CSMD1: variants seen among roughly 807,000 people sequenced by gnomAD.
CSMD1 encodes CUB and Sushi multiple domains 1, also known as CUB and sushi domain-containing protein 1.
In CSMD1, 213 loss-of-function variants were observed where a neutral mutation model predicts 417.5. That is an observed-to-expected ratio of 0.51 (90% confidence interval 0.46 to 0.57). The LOEUF is 0.57. CSMD1 is among the 20% of genes least tolerant of loss of function. The pLI is 0.00. For missense variants in CSMD1, 6,923 were observed against 4,529.7 expected, an observed-to-expected ratio of 1.53 and a Z score of -15.17; for synonymous variants, 2,862 against 1,736.8, an observed-to-expected ratio of 1.65 and a Z score of -16.11.
At chr8:3,844,219 C>G (rs1190420122) in intron 5 of CSMD1, among the ~76,000 whole-genome samples, 1 of 152,116 alleles carries the variant, frequency 6.6e-6, no homozygotes, top group Non-Finnish European at 1.5e-5. Flanking sequence ...AAGAATGAGT[C>G]TGGCTTGTGG....
intron 1 of CSMD1, among the ~76,000 whole-genome samples, chr8:4,975,546 C>T (rs1810501786): frequency 6.6e-6 from 1 of 152,092 alleles, no homozygotes; most frequent in East Asian, 1.9e-4. Flanking sequence ...GGAAGTGAAG[C>T]CCAGGAAGGT....
chr8:4,684,125 A>C (rs1261222207), intron 1 of CSMD1, among the ~76,000 whole-genome samples: 1 of 152,252 alleles, frequency 6.6e-6, no homozygotes, highest in East Asian at 1.9e-4. Flanking sequence ...ATAAAATGAT[A>C]ATGATTTCAT....
Position 4,946,075 on chromosome 8 carries a change from GA to G in CSMD1, c.85+48256del, listed in dbSNP as rs142823671. On this transcript the variant is annotated intron_variant, in intron 1 of 69. Transcript: ENST00000635120. The stretch of plus-strand genomic sequence containing the variant: ...GTCCTTCAGCATTGCCGCTGGCAAC[GA>G]AAGTCCACTTGCACACCCAGCTGTC... Among the ~76,000 whole-genome samples the G allele has an allele frequency of 2.4e-3, 362 of 152,222 alleles. 4 individuals carry two copies. The highest frequency in any genetic ancestry group is 8.4e-3 in the African/African-American group (347 of 41,548).
At chr8:3,822,845 G>C (rs1376718624) in intron 5 of CSMD1, among the ~76,000 whole-genome samples, 1 of 152,108 alleles carries the variant, frequency 6.6e-6, no homozygotes, top group African/African-American at 2.4e-5. Context: ...CATAAAATGA[G>C]CTATGCATGT....
At chr8:4,038,406 A>G (rs1010930548) in intron 3 of CSMD1, among the ~76,000 whole-genome samples, 11 of 152,232 alleles carry the variant, frequency 7.2e-5, no homozygotes, top group African/African-American at 2.7e-4. Flanking sequence ...TGCTAGGTCT[A>G]TGCAAAGATT....
At position 4,283,591 on chromosome 8, in the gene CSMD1, A is replaced by C. The variant is rs185914089; in HGVS notation, c.415+136362T>G. On this transcript the variant is annotated intron_variant, in intron 3 of 69. Transcript: ENST00000635120. Reference sequence around the variant, plus strand: ...AAAAGTCTTCAACATGTAATTTAGGAAACCCAGGTCCTTGGGGACACGAAA... The same window carrying C: ...AAAAGTCTTCAACATGTAATTTAGGCAACCCAGGTCCTTGGGGACACGAAA... Among the ~76,000 whole-genome samples, 12 of 152,340 alleles carry C rather than the reference A, an allele frequency of 7.9e-5. No homozygotes were observed. The East Asian group carries it at 2.1e-3, about 27-fold the overall frequency.
At chr8:3,623,385 G>C (rs557629475) in intron 7 of CSMD1, among the ~76,000 whole-genome samples, 13 of 152,124 alleles carry the variant, frequency 8.5e-5, no homozygotes, top group Non-Finnish European at 1.8e-4. Flanking sequence ...AAGTAGATCA[G>C]GTGCCATCAT....
chr8:4,732,363 GTGTGTGTGTGTGTGTGTGTA>G (rs754554111), intron 1 of CSMD1, among the ~76,000 whole-genome samples: 4 of 148,416 alleles, frequency 2.7e-5, no homozygotes, highest in Non-Finnish European at 5.9e-5. Context: ...GTGTGTGTGT[GTGTGTGTGTGTGTGTGTGTA>G]GTGTTTTTCC....
At chr8:3,066,174 C>A (rs1238193723) in intron 49 of CSMD1, among the ~76,000 whole-genome samples, 1 of 152,166 alleles carries the variant, frequency 6.6e-6, no homozygotes, top group African/African-American at 2.4e-5. Context: ...GCATCGTGTA[C>A]AATTCTCTTG....
chr8:4,890,511 G>A (rs549138780), intron 1 of CSMD1, among the ~76,000 whole-genome samples: 10 of 151,708 alleles, frequency 6.6e-5, no homozygotes, highest in South Asian at 4.2e-4. Context: ...TCCTGGGCAG[G>A]ACAGGTGAGA....
chr8:4,407,317 G>C (rs1563141064), intron 3 of CSMD1, among the ~76,000 whole-genome samples: 3 of 152,038 alleles, frequency 2.0e-5, no homozygotes, highest in Admixed American at 2.0e-4. Context: ...AATATATAAG[G>C]GATGAAATGA....
At chr8:4,167,840 T>C (rs1049134332) in intron 3 of CSMD1, among the ~76,000 whole-genome samples, 24 of 151,988 alleles carry the variant, frequency 1.6e-4, no homozygotes, top group African/African-American at 5.1e-4. Flanking sequence ...GAATTATATA[T>C]AAAAAGGCCA....
intron 7 of CSMD1, among the ~76,000 whole-genome samples, chr8:3,703,436 TTTCA>T (rs199822463): frequency 0.17 from 25,285 of 149,788 alleles, 2,222 homozygotes; most frequent in Non-Finnish European, 0.19. Context: ...CTTTCTCCCT[TTTCA>T]TTCATTCATT....
At chr8:4,004,416 G>C (rs116881077) in intron 4 of CSMD1, among the ~76,000 whole-genome samples, 3,962 of 143,964 alleles carry the variant, frequency 0.028, 73 homozygotes, top group Non-Finnish European at 0.039. Flanking sequence ...ATTCTGCCAT[G>C]AATCTTTTTT....
At chr8:4,056,214 T>C (rs1174497331) in intron 3 of CSMD1, among the ~76,000 whole-genome samples, 1 of 151,154 alleles carries the variant, frequency 6.6e-6, no homozygotes, top group Non-Finnish European at 1.5e-5. Context: ...CCCGAGTAGC[T>C]GGGATTACAG....
rs373086386 is a variant in CSMD1, at chr8:4,031,920, C to T, written c.595G>A (p.Ala199Thr). 1.9e-6 allele frequency: 3 copies of T among 1,613,408 alleles called. No homozygotes were observed. Among genetic ancestry groups the T allele is most frequent in the Non-Finnish European group, 1.7e-6 (2 of 1,179,658 alleles). ...AGCACTGTACCTCTGCAAAAGGGAG[C>T]TGGGAAGTCCCACGATGCACCATTT... The part of the protein sequence containing the change: ...PGNGASWDFP[A>T]PFCRAEGACG... Residue 199 changes from alanine to threonine, a missense_variant, in exon 4 of 70, where the codon GCT becomes ACT. Physicochemically the swap from Ala to Thr is moderately conservative, Grantham distance 58. Transcript: ENST00000635120.
chr8:3,963,293 G>C (rs763435880), intron 5 of CSMD1, among the ~76,000 whole-genome samples: 1 of 152,074 alleles, frequency 6.6e-6, no homozygotes, highest in Non-Finnish European at 1.5e-5. Context: ...GAAAAACAAA[G>C]GTTCCAAATC....
intron 62 of CSMD1, among the ~76,000 whole-genome samples, chr8:2,958,046 T>G (rs188786425): frequency 2.6e-5 from 4 of 152,340 alleles, no homozygotes; most frequent in Admixed American, 1.3e-4. Context: ...GACGGCTGTT[T>G]GGGTAAAGAA....
intron 7 of CSMD1, among the ~76,000 whole-genome samples, chr8:3,685,291 G>A (rs912581816): frequency 6.6e-6 from 1 of 152,140 alleles, no homozygotes; most frequent in Non-Finnish European, 1.5e-5. Flanking sequence ...TGAGTTTAAT[G>A]ACTCGGCAGT....
Sources: gnomAD v4.1 joint callset for allele counts (sites outside exome capture counted in the v4.1 genomes callset) on GRCh38, gnomAD v4.1.1 for gene constraint, MANE v1.5 for transcripts, NCBI Gene and HGNC (gene_info 2026-07-23, HGNC 2026-07-21) for gene names.